Variants in NLRP13 observed in about 807,000 individuals in gnomAD.
The protein encoded by NLRP13 is NACHT, LRR and PYD domains-containing protein 13.
A neutral mutation model predicts 94.4 loss-of-function variants in NLRP13; 82 were observed. That is an observed-to-expected ratio of 0.87 (90% confidence interval 0.73 to 1.04). NLRP13 has a LOEUF of 1.04. Among genes scored for constraint, NLRP13 ranks in the 50% least tolerant of loss-of-function variants. NLRP13 has a pLI of 0.00. For synonymous variants in NLRP13, 553 were observed against 464.7 expected (o/e 1.19, Z -2.45); for missense variants, 1,426 against 1,230.8 (o/e 1.16, Z -2.37).
At chr19:55,905,192 C>A in intron 7 of NLRP13, 80 bp from the exon 8 acceptor site, 3 of 1,428,280 alleles carry the variant, frequency 2.1e-6, no homozygotes, top group Non-Finnish European at 2.9e-6. Flanking sequence ...CCCCTTAACC[C>A]CCGAGACCCA....
chr19:55,900,244 TAA>T (rs34584135), intron 9 of NLRP13, among the ~76,000 whole-genome samples: 37 of 151,842 alleles, frequency 2.4e-4, no homozygotes, highest in East Asian at 9.7e-4. Context: ...TGAAACAGGT[TAA>T]AAAAAAAATC....
At position 55,912,279 on chromosome 19, in the gene NLRP13, A is replaced by G. The variant is rs61742950; in HGVS notation, c.1538T>C (p.Ile513Thr). Residue 513 changes from isoleucine (I) to threonine (T), a missense_variant, in exon 5 of 11, where the codon ATT (isoleucine) becomes ACT (threonine). Coordinates refer to ENST00000342929, the MANE Select transcript of NLRP13 (RefSeq NM_176810.2). ...AATATTGAACTCGTAGAGAGAATCAATGAAAGGCACTTCCAGGCCCTCGAT... is the reference window on the plus strand; with the variant it reads ...AATATTGAACTCGTAGAGAGAATCAGTGAAAGGCACTTCCAGGCCCTCGAT... The part of the protein sequence containing the change: ...TEIEGLEVPF[I>T]DSLYEFNILQ... 285 of 1,614,148 alleles carry G rather than the reference A, an allele frequency of 1.8e-4. No individual in the cohort carries two copies. The African/African-American group carries it at 3.4e-3, about 19-fold the overall frequency.
chr19:55,932,068 A>G lies in NLRP13; in HGVS notation c.244T>C (p.Trp82Arg). 2 of 1,614,094 alleles carry G rather than the reference A, an allele frequency of 1.2e-6. No homozygotes were observed. The highest frequency in any genetic ancestry group is 1.7e-6 in the Non-Finnish European group (2 of 1,180,010). Residue 82 changes from tryptophan to arginine, a missense_variant, in exon 1 of 11, where the codon TGG becomes CGG. Physicochemically the swap from Trp to Arg is moderately radical, Grantham distance 101. Coordinates refer to ENST00000342929, the MANE Select transcript of NLRP13 (RefSeq NM_176810.2). ...TGGAAGATGCCGAGGACCACTTTCC[A>G]TGCCTGACCTTTTGGGAAGTGTTCA... ...LDEHFPKGQA[W>R]KVVLGIFQTM...
intron 4 of NLRP13, among the ~76,000 whole-genome samples, chr19:55,913,820 G>A (rs1986609377): frequency 6.6e-6 from 1 of 151,882 alleles, no homozygotes; most frequent in South Asian, 2.1e-4. Flanking sequence ...TGCAAGCCTC[G>A]TGAGTGTGCC....
At chr19:55,931,951 G>A (rs1195590304) in intron 1 of NLRP13, 42 bp downstream of exon 1, 2 of 1,589,616 alleles carry the variant, frequency 1.3e-6, no homozygotes, top group African/African-American at 2.7e-5. Context: ...TGCCTCAGGA[G>A]TACCAAGCAG....
chr19:55,913,322 G>C (rs748722945), intron 4 of NLRP13, 29 bp from the exon 5 acceptor site: 1 of 1,590,262 alleles, frequency 6.3e-7, no homozygotes, highest in Non-Finnish European at 8.6e-7. Context: ...GGAGAAGAAT[G>C]GTAAGAATAA....
At chr19:55,893,917 A>C (rs954297942), downstream of NLRP13, among the ~76,000 whole-genome samples, 3 of 152,110 alleles carry the variant, frequency 2.0e-5, no homozygotes, top group Non-Finnish European at 2.9e-5. Flanking sequence ...GGCAACATCA[A>C]ATCTTTAAAA....
chr19:55,899,080 G>C (rs377081070), intron 9 of NLRP13, 143 bp from the exon 10 acceptor site: 1 of 822,626 alleles, frequency 1.2e-6, no homozygotes, highest in Non-Finnish European at 1.8e-6. Flanking sequence ...AGGAGGGTGC[G>C]AGTCAGGAGG....
intron 1 of NLRP13, among the ~76,000 whole-genome samples, chr19:55,928,772 G>T (rs1485970330): frequency 6.6e-6 from 1 of 152,052 alleles, no homozygotes; most frequent in Non-Finnish European, 1.5e-5. Context: ...GGCAACAAAA[G>T]CCAAAATTGA....
chr19:55,921,750 A>G (rs1986833513), intron 4 of NLRP13, among the ~76,000 whole-genome samples: 2 of 152,194 alleles, frequency 1.3e-5, no homozygotes, highest in Admixed American at 1.3e-4. Context: ...TGAGGCACAG[A>G]CACTCAGAGG....
chr19:55,903,166 C>T (rs767055777), intron 8 of NLRP13, among the ~76,000 whole-genome samples: 1 of 152,024 alleles, frequency 6.6e-6, no homozygotes, highest in Non-Finnish European at 1.5e-5. Context: ...TGTTACAATT[C>T]TACACATTGT....
intron 10 of NLRP13, among the ~76,000 whole-genome samples, chr19:55,896,875 C>T (rs971014418): frequency 6.7e-6 from 1 of 150,358 alleles, no homozygotes; most frequent in East Asian, 1.9e-4. Context: ...TACTGCATGC[C>T]GGGCACCTTT....
In NLRP13 at chr19:55,901,892, AC is replaced by A. The variant is rs1323189193; in HGVS notation, c.2789+142del. 3.4e-5 allele frequency: 28 copies of A among 817,270 alleles called. No individual in the cohort carries two copies. The East Asian group carries it at 7.5e-4, about 22-fold the overall frequency. 50.6% of individuals were successfully genotyped at this position (817,270 alleles called of 1,614,324 possible). ...GGTCCTCCCACTTTCCCCATCCCAC[AC>A]CCCCGACAAAACCAGAAGCTCCTCC... is the stretch of plus-strand genomic sequence containing the variant. On this transcript the variant is annotated intron_variant, in intron 9 of 10. Transcript: ENST00000342929.
chr19:55,906,878 C>T (rs1297512134), intron 7 of NLRP13, among the ~76,000 whole-genome samples: 2 of 152,140 alleles, frequency 1.3e-5, no homozygotes, highest in African/African-American at 2.4e-5. Context: ...AGCAGCATGA[C>T]GTGGTAGCCT....
intron 4 of NLRP13, among the ~76,000 whole-genome samples, chr19:55,916,936 A>T (rs1986689873): frequency 6.6e-6 from 1 of 152,082 alleles, no homozygotes; most frequent in Admixed American, 6.6e-5. Flanking sequence ...GTTTAATGTG[A>T]AGGAAAAAAC....
chr19:55,918,699 A>G (rs1002810183), intron 4 of NLRP13, among the ~76,000 whole-genome samples: 3 of 152,132 alleles, frequency 2.0e-5, no homozygotes, highest in African/African-American at 7.2e-5. Context: ...TGAACAGATC[A>G]ACAACAAGGA....
At position 55,904,965 on chromosome 19, in the gene NLRP13, G is replaced by T. The variant is rs1986293546; in HGVS notation, c.2595C>A (p.Pro865=). The change falls in exon 8 of 11, where the codon CCC becomes CCA. Residue 865 remains proline (P), a synonymous_variant. Transcript: ENST00000342929. ...IKLLCAALTH[P]KCALERLELW... ...ACTCCAGTCTCTCTAAGGCACACTT[G>T]GGGTGAGTCAGGGCCGCACACAATA... 6.2e-7 allele frequency: 1 copy of T among 1,613,890 alleles called. No individual in the cohort carries two copies.
In NLRP13 at chr19:55,896,067, G is replaced by A. The variant is rs143868479; in HGVS notation, c.3010C>T (p.Leu1004Phe). The part of the protein sequence containing the change: ...TACCQHLFSV[L>F]SSSKSLVNLN... ...TTGACCAGGCTCTTACTGCTGCTGA[G>A]AACAGAGAAGAGATGCTGGCAGCAA... Residue 1004 changes from leucine (L) to phenylalanine (F), a missense_variant, in exon 11 of 11, where the codon CTC becomes TTC. Physicochemically the swap from Leu to Phe is conservative, Grantham distance 22. Coordinates refer to ENST00000342929, the MANE Select transcript of NLRP13 (RefSeq NM_176810.2). 2.1e-4 allele frequency: 347 copies of A among 1,614,178 alleles called. 1 individual carries two copies. In the African/African-American group the frequency reaches 4.0e-3, roughly 19 times the overall value.
intron 4 of NLRP13, among the ~76,000 whole-genome samples, chr19:55,921,503 T>C (rs1264131219): frequency 6.6e-6 from 1 of 152,202 alleles, no homozygotes; most frequent in East Asian, 1.9e-4. Flanking sequence ...TTTATCAAAG[T>C]ATTGCTTAAT....
Sources: gnomAD v4.1 joint callset for allele counts (sites outside exome capture counted in the v4.1 genomes callset) on GRCh38, gnomAD v4.1.1 for gene constraint, MANE v1.5 for transcripts, NCBI Gene and HGNC (gene_info 2026-07-23, HGNC 2026-07-21) for gene names.